SLC9A4: variants seen among roughly 807,000 people sequenced by gnomAD.
SLC9A4 encodes the protein solute carrier family 9 member A4.
SLC9A4 carries 63 observed loss-of-function variants against 67.4 expected under a neutral mutation model. That is an observed-to-expected ratio of 0.93 (90% confidence interval 0.76 to 1.15). The LOEUF (loss-of-function observed/expected upper bound fraction) is 1.15, where lower values mean the gene tolerates loss of function less well. SLC9A4 is among the 50% of genes most tolerant of loss of function. SLC9A4 has a pLI of 0.00. For synonymous variants in SLC9A4, 393 were observed against 367.2 expected (o/e 1.07, Z -0.80); for missense variants, 1,089 against 987.7 (o/e 1.10, Z -1.38).
chr2:102,481,747 T>C (rs1684468402), intron 2 of SLC9A4, among the ~76,000 whole-genome samples: 1 of 152,226 alleles, frequency 6.6e-6, no homozygotes, highest in Non-Finnish European at 1.5e-5. Flanking sequence ...TCTAAATTTT[T>C]ATATAGTGAA....
chr2:102,532,049 G>A (rs746635692), intron 11 of SLC9A4, among the ~76,000 whole-genome samples: 3 of 152,202 alleles, frequency 2.0e-5, no homozygotes, highest in Non-Finnish European at 2.9e-5. Flanking sequence ...ATCTGATTCT[G>A]TAAAAAGACA....
chr2:102,519,969 A>G lies in SLC9A4; in HGVS notation c.1818+14A>G, dbSNP rs753931101. ...GTTCGGCAAAGGGTGTGTATGAGCC[A>G]CCTGTGTTGTCCCCATTTTCTGTCC... On this transcript the variant is annotated intron_variant, in intron 9 of 11. Coordinates refer to ENST00000295269, the MANE Select transcript of SLC9A4 (RefSeq NM_001011552.4). 4.3e-6 allele frequency: 7 copies of G among 1,610,076 alleles called. No individual in the cohort carries two copies. Among genetic ancestry groups the G allele is most frequent in the Non-Finnish European group, 5.1e-6 (6 of 1,176,568 alleles).
intron 5 of SLC9A4, 24 bp from the exon 6 acceptor site, chr2:102,508,823 T>C: frequency 6.3e-7 from 1 of 1,581,112 alleles, no homozygotes; most frequent in South Asian, 1.1e-5. Flanking sequence ...AACAAAACCC[T>C]TTGTTTTGTT....
rs368548411 is a variant in SLC9A4, at chr2:102,533,809, C to A, written c.*1121C>A. The A allele has an allele frequency of 6.6e-6, 1 of 151,560 alleles. No homozygotes were observed. The highest frequency in any genetic ancestry group is 2.4e-5 in the African/African-American group (1 of 41,212). 9.4% of individuals were successfully genotyped at this position (151,560 alleles called of 1,614,324 possible). ...ATTTCCAATTTCATCCATGTCCCTA[C>A]AAAGGACATGAACTCATCATTTTTT... is the stretch of plus-strand genomic sequence containing the variant. On this transcript the variant is annotated 3_prime_UTR_variant, in exon 12 of 12. Coordinates refer to ENST00000295269, the MANE Select transcript of SLC9A4 (RefSeq NM_001011552.4).
At chr2:102,478,756 C>T (rs1684386242) in intron 1 of SLC9A4, 83 bp from the exon 2 acceptor site, 1 of 1,369,620 alleles carries the variant, frequency 7.3e-7, no homozygotes, top group Non-Finnish European at 1.0e-6. Flanking sequence ...GTCCACGGTC[C>T]TGTCTGCTTG....
At chr2:102,474,209 G>T (rs975736328) in intron 1 of SLC9A4, among the ~76,000 whole-genome samples, 194 bp downstream of exon 1, 13 of 152,212 alleles carry the variant, frequency 8.5e-5, no homozygotes, top group Middle Eastern at 3.4e-3. Context: ...ATTGCTCTTT[G>T]AAATTTGAGA....
intron 1 of SLC9A4, among the ~76,000 whole-genome samples, chr2:102,476,699 A>G (rs1684340512): frequency 6.6e-6 from 1 of 152,146 alleles, no homozygotes; most frequent in Non-Finnish European, 1.5e-5. Flanking sequence ...AAGGAGAAAG[A>G]GAAGAAGGAG....
At chr2:102,491,949 C>A (rs367851726) in intron 2 of SLC9A4, among the ~76,000 whole-genome samples, 1 of 152,128 alleles carries the variant, frequency 6.6e-6, no homozygotes. Context: ...AGAAATTGAC[C>A]AAAATGAAGG....
intron 2 of SLC9A4, among the ~76,000 whole-genome samples, chr2:102,481,222 A>T (rs1684455358): frequency 6.6e-6 from 1 of 152,172 alleles, no homozygotes; most frequent in Non-Finnish European, 1.5e-5. Flanking sequence ...GCCCTGGAAC[A>T]CAGTCGTCAA....
intron 1 of SLC9A4, among the ~76,000 whole-genome samples, chr2:102,477,018 A>T (rs575317427): frequency 2.0e-4 from 30 of 152,230 alleles, no homozygotes; most frequent in African/African-American, 6.7e-4. Context: ...GTGAATGGAG[A>T]AGTTCAAAGC....
chr2:102,492,953 G>A (rs1045639875), intron 2 of SLC9A4, among the ~76,000 whole-genome samples: 2 of 152,106 alleles, frequency 1.3e-5, no homozygotes, highest in Non-Finnish European at 2.9e-5. Context: ...TCTAAAGCAG[G>A]GGCAAAATGC....
intron 2 of SLC9A4, among the ~76,000 whole-genome samples, chr2:102,487,696 A>G (rs991402921): frequency 2.6e-5 from 4 of 152,160 alleles, no homozygotes; most frequent in African/African-American, 7.2e-5. Flanking sequence ...AGTAATTAGA[A>G]CTCACTTCAG....
At chr2:102,477,028 C>T (rs1204523791) in intron 1 of SLC9A4, among the ~76,000 whole-genome samples, 2 of 152,096 alleles carry the variant, frequency 1.3e-5, no homozygotes, top group African/African-American at 2.4e-5. Context: ...AAGTTCAAAG[C>T]CATGGTCAGG....
Position 102,505,626 on chromosome 2 carries a change from C to T in SLC9A4, c.1198+155C>T, listed in dbSNP as rs181732237. 317 of 676,654 alleles carry T rather than the reference C, an allele frequency of 4.7e-4. 4 individuals carry two copies. The highest frequency in any genetic ancestry group is 4.5e-3 in the South Asian group (218 of 48,788). 41.9% of individuals were successfully genotyped at this position (676,654 alleles called of 1,614,324 possible). A position where few individuals can be genotyped will look rare whatever the true frequency, so the allele number is the denominator to read the frequency against. ...ACCTGGTCGTGAGCAGGAATCTTTT[C>T]TGTTTGTTCCCTCAGTCAGCTCAAA... On this transcript the variant is annotated intron_variant, in intron 4 of 11. Transcript: ENST00000295269.
At chr2:102,526,220 C>T (rs1488493591) in intron 10 of SLC9A4, 39 bp from the exon 11 acceptor site, 1 of 1,595,864 alleles carries the variant, frequency 6.3e-7, no homozygotes, top group African/African-American at 1.3e-5. Flanking sequence ...TTAATTGAGA[C>T]AGCTTATTCT....
In SLC9A4 at chr2:102,478,967, A is replaced by G; in HGVS notation, c.385A>G (p.Ile129Val). The G allele has an allele frequency of 6.2e-7, 1 of 1,614,126 alleles. No individual in the cohort carries two copies. The highest frequency in any genetic ancestry group is 8.5e-7 in the Non-Finnish European group (1 of 1,179,988). Residue 129 changes from isoleucine (I) to valine (V), a missense_variant, in exon 2 of 12, where the codon ATC becomes GTC. Physicochemically the swap from Ile to Val is conservative, Grantham distance 29. Transcript: ENST00000295269. ...HKSPPVMDSSIYFLYLLPPIV... is the reference protein window; with the variant it reads ...HKSPPVMDSSVYFLYLLPPIV... ...ATCGCCTCCGGTCATGGACTCCAGCATCTACTTCCTGTATCTCCTGCCACC... is the reference window on the plus strand; with the variant it reads ...ATCGCCTCCGGTCATGGACTCCAGCGTCTACTTCCTGTATCTCCTGCCACC...
intron 5 of SLC9A4, 30 bp from the exon 6 acceptor site, chr2:102,508,817 A>G (rs761914910): frequency 1.5e-5 from 23 of 1,575,818 alleles, no homozygotes; most frequent in Non-Finnish European, 1.9e-5. Context: ...CATTACAACA[A>G]AACCCTTTGT....
At position 102,473,545 on chromosome 2, in the gene SLC9A4, A is replaced by G; in HGVS notation, c.-215A>G. On this transcript the variant is annotated 5_prime_UTR_variant, in exon 1 of 12. Coordinates refer to ENST00000295269, the MANE Select transcript of SLC9A4 (RefSeq NM_001011552.4). Reference sequence around the variant, plus strand: ...ATTGAATAACTGCATTTGAGTTGGAAGCTGAGTTGCCTGAACACAAACGAT... The same window carrying G: ...ATTGAATAACTGCATTTGAGTTGGAGGCTGAGTTGCCTGAACACAAACGAT... 1 of 567,440 alleles carries G rather than the reference A, an allele frequency of 1.8e-6. No homozygotes were observed. The highest frequency in any genetic ancestry group is 3.1e-6 in the Non-Finnish European group (1 of 326,298). The allele number at this position is 567,440 out of a possible 1,614,324, so 35.2% of individuals were successfully genotyped here. A position where few individuals can be genotyped will look rare whatever the true frequency, so the allele number is the denominator to read the frequency against.
chr2:102,519,715 T>G (rs1490503719), intron 8 of SLC9A4, 144 bp from the exon 9 acceptor site: 2 of 609,752 alleles, frequency 3.3e-6, no homozygotes, highest in African/African-American at 3.8e-5. Flanking sequence ...TCAAACCAAC[T>G]TACTAGAACA....
Sources: gnomAD v4.1 joint callset for allele counts (sites outside exome capture counted in the v4.1 genomes callset) on GRCh38, gnomAD v4.1.1 for gene constraint, MANE v1.5 for transcripts, NCBI Gene and HGNC (gene_info 2026-07-23, HGNC 2026-07-21) for gene names.